RSPH14: variants seen among roughly 807,000 people sequenced by gnomAD.
RSPH14 encodes the protein radial spoke head 14 homolog, also known as rhabdoid tumor deletion region gene 1.
A neutral mutation model predicts 26.7 loss-of-function variants in RSPH14; 20 were observed. The observed-to-expected ratio is 0.75, with a 90% CI of 0.53 to 1.09. RSPH14 has a LOEUF of 1.09. Ranked by LOEUF, RSPH14 falls within the 50% of genes least tolerant of loss-of-function variation. The pLI, the probability that RSPH14 is intolerant of heterozygous loss-of-function variation, is 0.00. For missense variants in RSPH14, 449 were observed against 457.2 expected (o/e 0.98, Z 0.16); for synonymous variants, 177 against 189.3 (o/e 0.93, Z 0.53).
intron 4 of RSPH14, chr22:23,131,616 A>T (rs1422636548): frequency 5.4e-6 from 7 of 1,304,036 alleles, no homozygotes; most frequent in Non-Finnish European, 7.1e-6. Flanking sequence ...TGAGAGCAGC[A>T]AGTCCCCTGT....
chr22:23,067,988 A>G (rs1008719646), intron 4 of RSPH14, among the ~76,000 whole-genome samples: 5 of 152,240 alleles, frequency 3.3e-5, no homozygotes, highest in African/African-American at 9.6e-5. Context: ...TACTGTAAAC[A>G]GGCAATTAAA....
chr22:23,115,021 C>T (rs902822305), intron 4 of RSPH14, among the ~76,000 whole-genome samples: 1 of 152,186 alleles, frequency 6.6e-6, no homozygotes, highest in African/African-American at 2.4e-5. Context: ...AGAGCTGAAA[C>T]CTTAATGTCA....
chr22:23,161,043 G>A, the RSPH14 span: 1 of 1,556,318 alleles, frequency 6.4e-7, no homozygotes, highest in Non-Finnish European at 8.7e-7. Flanking sequence ...TAGGCTGGAG[G>A]CCTAAAATCC....
intron 4 of RSPH14, chr22:23,131,783 C>G (rs2070364612): frequency 2.0e-6 from 1 of 493,070 alleles, no homozygotes; most frequent in Non-Finnish European, 4.0e-6. Flanking sequence ...GCATGACTGT[C>G]ATTCAAGGTG....
the RSPH14 span, among the ~76,000 whole-genome samples, chr22:23,175,597 A>G: frequency 6.6e-6 from 1 of 152,270 alleles, no homozygotes. Flanking sequence ...CTGGGATTAC[A>G]GGCGTGAGCC....
At chr22:23,074,037 C>T (rs960068085) in intron 4 of RSPH14, among the ~76,000 whole-genome samples, 6 of 152,160 alleles carry the variant, frequency 3.9e-5, no homozygotes, top group Admixed American at 1.3e-4. Context: ...CTCCCTGGCC[C>T]CTGGAGGCCC....
At chr22:23,060,751 T>C (rs1239877375) in intron 6 of RSPH14, among the ~76,000 whole-genome samples, 1 of 152,124 alleles carries the variant, frequency 6.6e-6, no homozygotes, top group Non-Finnish European at 1.5e-5. Flanking sequence ...GCCCCACCCA[T>C]GCTGGGCTTC....
At chr22:23,133,626 G>A (rs1355469746) in intron 4 of RSPH14, among the ~76,000 whole-genome samples, 2 of 151,962 alleles carry the variant, frequency 1.3e-5, no homozygotes, top group African/African-American at 4.8e-5. Flanking sequence ...GTCTCGCACT[G>A]TCGCCCGGGC....
At chr22:23,122,690 C>T (rs962972029) in intron 4 of RSPH14, 2 of 212,682 alleles carry the variant, frequency 9.4e-6, no homozygotes, top group Non-Finnish European at 9.5e-6. Flanking sequence ...AGAAGATGGC[C>T]TTCCTTGTAC....
intron 4 of RSPH14, among the ~76,000 whole-genome samples, chr22:23,077,546 G>T (rs1229030636): frequency 6.6e-6 from 1 of 152,170 alleles, no homozygotes; most frequent in Non-Finnish European, 1.5e-5. Flanking sequence ...GGATGGCCAC[G>T]GAAACAAGGT....
chr22:23,142,643 C>T (rs765894965), upstream of RSPH14, among the ~76,000 whole-genome samples: 4 of 152,218 alleles, frequency 2.6e-5, no homozygotes, highest in Non-Finnish European at 2.9e-5. Flanking sequence ...CAGCCAGTTT[C>T]CCCCAAATTA....
intron 4 of RSPH14, among the ~76,000 whole-genome samples, chr22:23,065,779 T>C (rs1325086029): frequency 6.6e-6 from 1 of 152,128 alleles, no homozygotes; most frequent in Non-Finnish European, 1.5e-5. Flanking sequence ...AAGAGTCTCC[T>C]GAATTCCACC....
chr22:23,063,052 G>T (rs995188387), intron 5 of RSPH14, among the ~76,000 whole-genome samples: 1 of 152,194 alleles, frequency 6.6e-6, no homozygotes, highest in African/African-American at 2.4e-5. Context: ...GAGGACAGGG[G>T]ACAGCAGGGA....
intron 4 of RSPH14, chr22:23,123,418 T>C: frequency 6.2e-7 from 1 of 1,611,424 alleles, no homozygotes; most frequent in Non-Finnish European, 8.5e-7. Flanking sequence ...CTCAAGTACA[T>C]TGGCCTTTGC....
At chr22:23,065,693 T>C (rs2068195707) in intron 4 of RSPH14, among the ~76,000 whole-genome samples, 1 of 152,142 alleles carries the variant, frequency 6.6e-6, no homozygotes, top group Non-Finnish European at 1.5e-5. Flanking sequence ...TGAAAACGTG[T>C]TCCACGTGCT....
intron 4 of RSPH14, among the ~76,000 whole-genome samples, chr22:23,079,998 G>C (rs1027929902): frequency 1.3e-5 from 2 of 152,282 alleles, no homozygotes; most frequent in South Asian, 4.1e-4. Context: ...CCACTCAAGT[G>C]AGGGTTTGAT....
At chr22:23,095,624 CAGTG>C in intron 4 of RSPH14, 1 of 1,510,510 alleles carries the variant, frequency 6.6e-7, no homozygotes, top group Non-Finnish European at 8.9e-7. Flanking sequence ...TGCCTGGTCT[CAGTG>C]TCCCCTGTGG....
At chr22:23,122,593 T>G in intron 4 of RSPH14, 1 of 160,572 alleles carries the variant, frequency 6.2e-6, no homozygotes, top group Non-Finnish European at 1.4e-5. Context: ...AGGATCAGAG[T>G]TTTGAAGGAC....
chr22:23,167,844 CTTCA>C, the RSPH14 span, among the ~76,000 whole-genome samples: 1 of 151,822 alleles, frequency 6.6e-6, no homozygotes, highest in African/African-American at 2.4e-5. Flanking sequence ...CTGCACCTGG[CTTCA>C]TTGACTAATT....
Sources: gnomAD v4.1 joint callset for allele counts (sites outside exome capture counted in the v4.1 genomes callset) on GRCh38, gnomAD v4.1.1 for gene constraint, MANE v1.5 for transcripts, NCBI Gene and HGNC (gene_info 2026-07-23, HGNC 2026-07-21) for gene names.